ISY1: variants seen among roughly 807,000 people sequenced by gnomAD.
ISY1 encodes pre-mRNA-splicing factor ISY1 homolog.
In ISY1, 12 loss-of-function variants were observed where a neutral mutation model predicts 54.4. That is an observed-to-expected ratio of 0.22 (90% CI 0.14 to 0.36). The LOEUF (loss-of-function observed/expected upper bound fraction) is 0.36, where lower values mean the gene tolerates loss of function less well. ISY1 is among the 10% of genes least tolerant of loss of function. The pLI, the probability that ISY1 is intolerant of heterozygous loss-of-function variation, is 1.00. For missense variants in ISY1, 282 were observed against 342.2 expected, an observed-to-expected ratio of 0.82 and a Z score of 1.39; for synonymous variants, 96 against 117.9, an observed-to-expected ratio of 0.81 and a Z score of 1.20.
intron 3 of ISY1, 70 bp from the exon 4 acceptor site, chr3:129,156,990 C>T: frequency 1.3e-6 from 2 of 1,556,286 alleles, no homozygotes; most frequent in Non-Finnish European, 1.8e-6. Context: ...AGAACTGATT[C>T]AGGCCTTAAG....
intron 6 of ISY1, among the ~76,000 whole-genome samples, chr3:129,143,201 A>T (rs972823041): frequency 2.0e-5 from 3 of 151,992 alleles, no homozygotes; most frequent in Non-Finnish European, 4.4e-5. Flanking sequence ...GTGACAGAGT[A>T]AAATCTTGTC....
At chr3:129,130,963 T>A (rs1327315400) in intron 9 of ISY1, among the ~76,000 whole-genome samples, 1 of 152,226 alleles carries the variant, frequency 6.6e-6, no homozygotes, top group Non-Finnish European at 1.5e-5. Context: ...TGTGAATGTA[T>A]CACTATTTTA....
chr3:129,141,031 C>A (rs527520260), intron 6 of ISY1, among the ~76,000 whole-genome samples: 1 of 151,422 alleles, frequency 6.6e-6, no homozygotes, highest in Admixed American at 6.6e-5. Context: ...TGGCAAAACC[C>A]TGTCTCTACT....
At chr3:129,155,848 A>G (rs1937118380) in intron 5 of ISY1, among the ~76,000 whole-genome samples, 1 of 151,904 alleles carries the variant, frequency 6.6e-6, no homozygotes, top group African/African-American at 2.4e-5. Flanking sequence ...CAGCCTCCCA[A>G]GTAGCTGGGA....
intron 7 of ISY1, among the ~76,000 whole-genome samples, chr3:129,137,565 G>T (rs997214551): frequency 6.6e-6 from 1 of 152,100 alleles, no homozygotes; most frequent in African/African-American, 2.4e-5. Flanking sequence ...AGGCGAGGTG[G>T]CTCACTCCTG....
chr3:129,153,870 C>T (rs1156274739), intron 5 of ISY1, among the ~76,000 whole-genome samples: 1 of 151,974 alleles, frequency 6.6e-6, no homozygotes, highest in Non-Finnish European at 1.5e-5. Context: ...TTTGGAAGGC[C>T]GAGGAGGGTG....
At chr3:129,149,427 CAAAAA>C (rs767849123) in intron 5 of ISY1, among the ~76,000 whole-genome samples, 3 of 24,210 alleles carry the variant, frequency 1.2e-4, no homozygotes, top group African/African-American at 4.1e-4. Context: ...AACTCTATCT[CAAAAA>C]AAAAAAAAAA....
chr3:129,156,590 T>C (rs1937147736), intron 5 of ISY1, 43 bp downstream of exon 5: 1 of 1,594,006 alleles, frequency 6.3e-7, no homozygotes, highest in Admixed American at 1.8e-5. Context: ...AGTCTAATTG[T>C]GGATTTGAGA....
chr3:129,142,511 C>T (rs1200029756), intron 6 of ISY1, among the ~76,000 whole-genome samples: 1 of 152,110 alleles, frequency 6.6e-6, no homozygotes, highest in Non-Finnish European at 1.5e-5. Context: ...GAAAATAAAG[C>T]AAATACAAGC....
chr3:129,151,194 T>C (rs1449285018), intron 5 of ISY1, among the ~76,000 whole-genome samples: 2 of 147,836 alleles, frequency 1.4e-5, no homozygotes, highest in Non-Finnish European at 3.0e-5. Context: ...TATATAAAAA[T>C]ATATATATGA....
chr3:129,133,927 C>G, intron 9 of ISY1, 147 bp downstream of exon 9: 1 of 1,404,248 alleles, frequency 7.1e-7, no homozygotes, highest in African/African-American at 1.4e-5. Flanking sequence ...CTCCTGTAAT[C>G]TCGCAAGTGT....
chr3:129,141,627 G>A (rs1371425553), intron 6 of ISY1, among the ~76,000 whole-genome samples: 5 of 151,370 alleles, frequency 3.3e-5, no homozygotes, highest in South Asian at 4.2e-4. Context: ...GGTGGTGGGC[G>A]CCTGTAGTCC....
intron 6 of ISY1, among the ~76,000 whole-genome samples, chr3:129,141,874 A>G (rs760688164): frequency 3.9e-5 from 6 of 152,148 alleles, no homozygotes; most frequent in Non-Finnish European, 5.9e-5. Flanking sequence ...GTGGAAAACA[A>G]ATGAAATATA....
At chr3:129,133,414 G>C (rs1206801832) in intron 9 of ISY1, among the ~76,000 whole-genome samples, 3 of 152,126 alleles carry the variant, frequency 2.0e-5, no homozygotes, top group African/African-American at 7.2e-5. Context: ...GGGGTGTTAG[G>C]GCTGGGAGCA....
intron 5 of ISY1, among the ~76,000 whole-genome samples, chr3:129,150,720 T>A (rs1189704146): frequency 6.6e-6 from 1 of 151,984 alleles, no homozygotes; most frequent in African/African-American, 2.4e-5. Context: ...TAAATAAAAT[T>A]AAAATTAAAA....
chr3:129,160,918 G>GGCCCGGGGGGGGGGGGGGGCCCCCCC, intron 1 of ISY1, 55 bp downstream of exon 1: 1 of 666,128 alleles, frequency 1.5e-6, no homozygotes, highest in Non-Finnish European at 2.7e-6. Context: ...TGGACTGGGC[G>GGCCCGGGGGGGGGGGGGGGCCCCCCC]CCCCCCCGCC....
At chr3:129,132,450 A>G (rs1044156483) in intron 9 of ISY1, among the ~76,000 whole-genome samples, 4 of 152,154 alleles carry the variant, frequency 2.6e-5, no homozygotes, top group Non-Finnish European at 5.9e-5. Context: ...ACTCCAGCAC[A>G]CTGGGCTGTC....
chr3:129,152,435 GCT>G (rs1470523388), intron 5 of ISY1, among the ~76,000 whole-genome samples: 3 of 150,504 alleles, frequency 2.0e-5, no homozygotes, highest in African/African-American at 4.9e-5. Context: ...ACGGAGTCTC[GCT>G]CTGTCGCCCA....
chr3:129,144,492 T>C (rs149806284), intron 6 of ISY1, among the ~76,000 whole-genome samples: 1 of 152,344 alleles, frequency 6.6e-6, no homozygotes, highest in African/African-American at 2.4e-5. Context: ...TTATAGTCCA[T>C]TGATTACATA....
Sources: allele counts gnomAD v4.1 joint callset (sites outside exome capture counted in the v4.1 genomes callset), GRCh38; gene constraint gnomAD v4.1.1; transcripts MANE v1.5; gene names NCBI Gene and HGNC (gene_info 2026-07-23, HGNC 2026-07-21).